MTR: variants seen among roughly 807,000 people sequenced by gnomAD.
MTR encodes methionine synthase.
A neutral mutation model predicts 154.8 loss-of-function variants in MTR; 84 were observed. The observed-to-expected ratio is 0.54, with a 90% CI of 0.45 to 0.65. MTR has a LOEUF of 0.65. Among genes scored for constraint, MTR ranks in the 30% least tolerant of loss-of-function variants. The pLI, the probability that MTR is intolerant of heterozygous loss-of-function variation, is 0.00. For missense variants in MTR, 1,275 were observed against 1,570.2 expected (o/e 0.81, Z 3.18); for synonymous variants, 554 against 553.9 (o/e 1.00, Z 0.00).
chr1:236,852,987 C>T lies in MTR; in HGVS notation c.1852C>T (p.Pro618Ser). The T allele has an allele frequency of 6.2e-7, 1 of 1,613,948 alleles. No homozygotes were observed. Among genetic ancestry groups the T allele is most frequent in the East Asian group, 2.2e-5 (1 of 44,874 alleles). Reference protein sequence around the residue: ...DMGIVNAGNLPVYDDIHKELL... With the variant: ...DMGIVNAGNLSVYDDIHKELL... ...GGGGATAGTGAATGCTGGAAACCTC[C>T]CTGTGTATGATGATATCCATAAGGA... The change falls in exon 18 of 33, where the codon CCT becomes TCT. Residue 618 changes from proline (P) to serine (S), a missense_variant. By Grantham distance (74) the Pro-to-Ser change is moderately conservative. Coordinates refer to ENST00000366577, the MANE Select transcript of MTR (RefSeq NM_000254.3).
intron 15 of MTR, among the ~76,000 whole-genome samples, chr1:236,842,814 A>G (rs1204964346): frequency 1.4e-5 from 2 of 146,682 alleles, no homozygotes; most frequent in Admixed American, 1.4e-4. Flanking sequence ...GGCCAGGTGC[A>G]GTGGCTCACA....
rs762836524 is a variant in MTR at position 236,855,811 on chromosome 1, A to C, written c.1953+2723A>C. On this transcript the variant is annotated intron_variant, in intron 18 of 32. Coordinates refer to ENST00000366577, the MANE Select transcript of MTR (RefSeq NM_000254.3). ...GGTAGCTTTCTATGTAAGCTTCCAC[A>C]GTGTGCCTGGGTCTGGTCTTCCTTA... Among the ~76,000 whole-genome samples the C allele has an allele frequency of 1.9e-4, 29 of 152,186 alleles. 1 individual carries two copies. The highest frequency in any genetic ancestry group is 1.9e-3 in the Admixed American group (29 of 15,278).
Position 236,885,210 on chromosome 1 carries a change from G to A in MTR, c.2766G>A (p.Glu922=), listed in dbSNP as rs1665949951. ...EYEDIRQDHY[E]SLKERRYLPL... The stretch of plus-strand genomic sequence containing the variant: ...AAGATATTAGACAGGACCATTATGA[G>A]TCTCTCAAGGTAAGTGGTAGAAACA... Residue 922 remains glutamate (E), a synonymous_variant, in exon 26 of 33, where the codon GAG becomes GAA. Transcript: ENST00000366577. 6.4e-7 allele frequency: 1 copy of A among 1,573,808 alleles called. No homozygotes were observed. The highest frequency in any genetic ancestry group is 1.4e-5 in the African/African-American group (1 of 74,048).
intron 15 of MTR, among the ~76,000 whole-genome samples, chr1:236,847,956 G>C (rs1663681175): frequency 6.6e-6 from 1 of 152,192 alleles, no homozygotes; most frequent in South Asian, 2.1e-4. Context: ...CAGAAGCTTG[G>C]TGAACCTTAC....
chr1:236,834,169 C>A (rs1287267089), intron 13 of MTR, among the ~76,000 whole-genome samples: 1 of 151,846 alleles, frequency 6.6e-6, no homozygotes, highest in Admixed American at 6.6e-5. Flanking sequence ...TTTTGATTTA[C>A]TGACTTAATT....
chr1:236,899,839 TTCTGTAGCATTGGTCAGGGAAA>T lies in MTR; in HGVS notation c.*2197_*2218del, dbSNP rs1429005257. 1 of 152,610 alleles carries T rather than the reference TTCTGTAGCATTGGTCAGGGAAA, an allele frequency of 6.6e-6. No individual in the cohort carries two copies. The highest frequency in any genetic ancestry group is 1.5e-5 in the Non-Finnish European group (1 of 68,320). 9.5% of individuals were successfully genotyped at this position (152,610 alleles called of 1,614,324 possible). A position where few individuals can be genotyped will look rare whatever the true frequency, so the allele number is the denominator to read the frequency against. On this transcript the variant is annotated 3_prime_UTR_variant, in exon 33 of 33. Transcript: ENST00000366577. ...AATAGGGCTTTTAAATAAATAGATG[TTCTGTAGCATTGGTCAGGGAAA>T]TATGAATTAGGACCACAATGAGATT...
intron 5 of MTR, among the ~76,000 whole-genome samples, chr1:236,811,031 A>G (rs562355066): frequency 8.3e-4 from 127 of 152,338 alleles, no homozygotes; most frequent in African/African-American, 2.6e-3. Flanking sequence ...AGACTGGACA[A>G]TTTACAGAAG....
At position 236,825,387 on chromosome 1, in the gene MTR, C is replaced by T. The variant is rs1292134827; in HGVS notation, c.915C>T (p.Ala305=). ...ATGATGAAACGCCTTCTATGATGGC[C>T]AAGCACCTAAAGGTCAGGGGTCCCC... ...GDYDETPSMM[A]KHLKDFAMDG... Residue 305 remains alanine (A), a synonymous_variant, in exon 10 of 33, where the codon GCC becomes GCT. Transcript: ENST00000366577. The T allele has an allele frequency of 6.2e-7, 1 of 1,613,266 alleles. No homozygotes were observed. The highest frequency in any genetic ancestry group is 1.7e-5 in the Admixed American group (1 of 60,006).
chr1:236,823,064 CTTAAT>C (rs1443873119), intron 8 of MTR, among the ~76,000 whole-genome samples: 2 of 151,938 alleles, frequency 1.3e-5, no homozygotes, highest in Non-Finnish European at 2.9e-5. Flanking sequence ...GTTAAATAAA[CTTAAT>C]TTTGGAATCA....
At chr1:236,869,367 A>C (rs560695484) in intron 22 of MTR, among the ~76,000 whole-genome samples, 52 of 152,280 alleles carry the variant, frequency 3.4e-4, no homozygotes, top group Non-Finnish European at 6.2e-4. Flanking sequence ...ACTTAAAAAA[A>C]GAGTTTTTTT....
chr1:236,848,497 C>T (rs2385511), intron 15 of MTR, among the ~76,000 whole-genome samples: 1 of 152,132 alleles, frequency 6.6e-6, no homozygotes, highest in Admixed American at 6.5e-5. Context: ...AAAGTTCAAG[C>T]CTAAAGGCAG....
At chr1:236,843,494 C>T (rs532418691) in intron 15 of MTR, among the ~76,000 whole-genome samples, 1 of 152,236 alleles carries the variant, frequency 6.6e-6, no homozygotes, top group Non-Finnish European at 1.5e-5. Flanking sequence ...AGTGGGGACA[C>T]CACTGAAAAC....
chr1:236,836,309 T>C (rs1002532745), intron 14 of MTR, among the ~76,000 whole-genome samples: 1 of 152,118 alleles, frequency 6.6e-6, no homozygotes, highest in African/African-American at 2.4e-5. Flanking sequence ...TGGCCCAGGC[T>C]GGAGTGCAGT....
At chr1:236,846,432 A>G (rs1047464853) in intron 15 of MTR, among the ~76,000 whole-genome samples, 17 of 152,350 alleles carry the variant, frequency 1.1e-4, no homozygotes, top group African/African-American at 3.1e-4. Context: ...TGTAAACTAT[A>G]TAAAAGAATA....
intron 14 of MTR, 35 bp from the exon 15 acceptor site, chr1:236,838,379 G>GT: frequency 6.2e-7 from 1 of 1,606,344 alleles, no homozygotes; most frequent in Non-Finnish European, 8.5e-7. Context: ...GTGACCTGTG[G>GT]CCTCTGTGTG....
chr1:236,803,682 A>T (rs1233921528), intron 2 of MTR, 40 bp downstream of exon 2: 1 of 1,585,524 alleles, frequency 6.3e-7, no homozygotes, highest in East Asian at 2.2e-5. Flanking sequence ...TCATTCTGTT[A>T]TTCTGCAAGC....
chr1:236,835,698 G>T lies in MTR; in HGVS notation c.1329+11G>T. ...CCAGACATCGCAAAGGTTATACAAA[G>T]TTTATGTTTATCAGGGGGATTTACT... On this transcript the variant is annotated intron_variant, in intron 14 of 32. Transcript: ENST00000366577. 6.2e-7 allele frequency: 1 copy of T among 1,613,290 alleles called. No homozygotes were observed. The highest frequency in any genetic ancestry group is 8.5e-7 in the Non-Finnish European group (1 of 1,179,888).
At chr1:236,820,056 T>C in intron 8 of MTR, 1 of 794,970 alleles carries the variant, frequency 1.3e-6, no homozygotes, top group South Asian at 1.3e-5. Context: ...ATCTTTATGT[T>C]AACCTGCCTA....
intron 1 of MTR, chr1:236,800,293 C>A: frequency 1.0e-6 from 1 of 985,338 alleles, no homozygotes; most frequent in Non-Finnish European, 1.2e-6. Flanking sequence ...GCCTTTTTCT[C>A]CCTAGGAAGT....
Sources: gnomAD v4.1 joint callset for allele counts (sites outside exome capture counted in the v4.1 genomes callset) on GRCh38, gnomAD v4.1.1 for gene constraint, MANE v1.5 for transcripts, NCBI Gene and HGNC (gene_info 2026-07-23, HGNC 2026-07-21) for gene names.